Variants in NUP155 observed in about 807,000 individuals in gnomAD.
The protein encoded by NUP155 is nuclear pore complex protein Nup155.
In NUP155, 71 loss-of-function variants were observed where a neutral mutation model predicts 180.4. That is an observed-to-expected ratio of 0.39 (90% CI 0.33 to 0.48). The LOEUF (loss-of-function observed/expected upper bound fraction) is 0.48. NUP155 is among the 20% of genes least tolerant of loss of function. The probability of loss-of-function intolerance (pLI) is 0.91; values close to 1 mark genes in which losing one functional copy is unlikely to be tolerated. For missense variants in NUP155, 1,553 were observed against 1,648.9 expected, an observed-to-expected ratio of 0.94 and a Z score of 1.01; for synonymous variants, 582 against 559.5, an observed-to-expected ratio of 1.04 and a Z score of -0.57.
chr5:37,327,824 C>T, intron 17 of NUP155, 48 bp from the exon 18 acceptor site: 1 of 1,585,582 alleles, frequency 6.3e-7, no homozygotes, highest in Non-Finnish European at 8.7e-7. Flanking sequence ...AATCTTAGAA[C>T]CCATAAATCT....
intron 30 of NUP155, chr5:37,301,196 G>A: frequency 2.3e-6 from 1 of 435,222 alleles, no homozygotes; most frequent in Non-Finnish European, 4.3e-6. Context: ...TTTTAACACA[G>A]CTCTCATGCG....
At chr5:37,292,318 C>T (rs1742278497) in intron 34 of NUP155, among the ~76,000 whole-genome samples, 1 of 151,916 alleles carries the variant, frequency 6.6e-6, no homozygotes, top group Non-Finnish European at 1.5e-5. Flanking sequence ...TGGGTTCACG[C>T]CATTCTCCTG....
At chr5:37,340,124 T>G (rs903278497) in intron 11 of NUP155, among the ~76,000 whole-genome samples, 5 of 152,024 alleles carry the variant, frequency 3.3e-5, no homozygotes, top group Non-Finnish European at 2.9e-5. Flanking sequence ...TTCAAGAAAC[T>G]GAGAAGAGCC....
chr5:37,309,035 G>T (rs546484721), intron 24 of NUP155, 94 bp downstream of exon 24: 2 of 1,310,060 alleles, frequency 1.5e-6, no homozygotes, highest in South Asian at 1.2e-5. Flanking sequence ...TTTGCATCTG[G>T]AAAGTGGCTT....
intron 21 of NUP155, among the ~76,000 whole-genome samples, chr5:37,317,215 A>G (rs1303968130): frequency 6.1e-5 from 9 of 146,714 alleles, no homozygotes; most frequent in Non-Finnish European, 1.4e-4. Flanking sequence ...GGGGCTGGGC[A>G]CGGTGGCTCA....
intron 11 of NUP155, among the ~76,000 whole-genome samples, chr5:37,340,804 A>G (rs934739460): frequency 1.1e-4 from 17 of 152,220 alleles, no homozygotes; most frequent in Admixed American, 6.5e-5. Context: ...GAATTTCACT[A>G]CAATTTCAAA....
rs756226231 is a variant in NUP155, at chr5:37,370,862, A to C, written c.116T>G (p.Met39Arg). The C allele has an allele frequency of 6.2e-6, 10 of 1,614,216 alleles. No individual in the cohort carries two copies. Among genetic ancestry groups the C allele is most frequent in the Non-Finnish European group, 8.5e-6 (10 of 1,180,036 alleles). Residue 39 changes from methionine to arginine, a missense_variant, in exon 1 of 35, where the codon ATG (methionine) becomes AGG (arginine). Coordinates refer to ENST00000231498, the MANE Select transcript of NUP155 (RefSeq NM_153485.3). ...LIDRQLQEDR[M>R]YPDLSELLMV... ...AAGCAGCTCGGAAAGGTCCGGGTACATGCGGTCCTCTTGCAACTGACGGTC... is the reference window on the plus strand; with the variant it reads ...AAGCAGCTCGGAAAGGTCCGGGTACCTGCGGTCCTCTTGCAACTGACGGTC...
At chr5:37,323,950 C>T (rs377630261) in intron 20 of NUP155, 42 bp downstream of exon 20, 11 of 1,366,298 alleles carry the variant, frequency 8.1e-6, no homozygotes, top group East Asian at 6.9e-5. Context: ...AAAAATACAA[C>T]GAAAAGAAAA....
At chr5:37,349,006 T>C (rs1746287124) in intron 8 of NUP155, among the ~76,000 whole-genome samples, 166 bp downstream of exon 8, 2 of 151,898 alleles carry the variant, frequency 1.3e-5, no homozygotes, top group African/African-American at 4.8e-5. Context: ...TCCGCCCACC[T>C]TGGCCTCCCA....
At chr5:37,339,473 C>T (rs1355053754) in intron 11 of NUP155, among the ~76,000 whole-genome samples, 3 of 151,986 alleles carry the variant, frequency 2.0e-5, no homozygotes, top group African/African-American at 4.8e-5. Context: ...ACAAAAAATA[C>T]AAAAATTAGC....
intron 12 of NUP155, among the ~76,000 whole-genome samples, chr5:37,336,038 G>A (rs1027455913): frequency 2.0e-5 from 3 of 152,072 alleles, no homozygotes; most frequent in African/African-American, 7.2e-5. Flanking sequence ...CTGTTCTAAT[G>A]TCTTTTATGA....
chr5:37,320,557 G>A (rs1306145540), intron 20 of NUP155, among the ~76,000 whole-genome samples: 3 of 152,076 alleles, frequency 2.0e-5, no homozygotes, highest in African/African-American at 7.2e-5. Context: ...AAGAAAAGAT[G>A]GAAAAGATGA....
chr5:37,353,253 T>C (rs1175222890), intron 4 of NUP155, among the ~76,000 whole-genome samples: 3 of 151,236 alleles, frequency 2.0e-5, no homozygotes, highest in African/African-American at 4.9e-5. Flanking sequence ...AAAAATGACA[T>C]ATATATATAT....
chr5:37,292,118 G>T, intron 34 of NUP155, 80 bp from the exon 35 acceptor site: 2 of 1,377,146 alleles, frequency 1.5e-6, no homozygotes, highest in South Asian at 1.2e-5. Context: ...CCAACTTCTG[G>T]CAACTTTAAT....
In NUP155 at chr5:37,342,666, A is replaced by G. The variant is rs1745807723; in HGVS notation, c.996-20T>C. 2.1e-6 allele frequency: 3 copies of G among 1,443,236 alleles called. No homozygotes were observed. Among genetic ancestry groups the G allele is most frequent in the Non-Finnish European group, 2.9e-6 (3 of 1,025,032 alleles). 89.4% of individuals were successfully genotyped at this position (1,443,236 alleles called of 1,614,324 possible). A position where few individuals can be genotyped will look rare whatever the true frequency, so the allele number is the denominator to read the frequency against. On this transcript the variant is annotated intron_variant, in intron 9 of 34. Coordinates refer to ENST00000231498, the MANE Select transcript of NUP155 (RefSeq NM_153485.3). ...ATGGTCCTAAAAGAAAGGAGAAAAT[A>G]AAGTGTATTTTTAAAATGTGTCTGC... is the stretch of plus-strand genomic sequence containing the variant.
In NUP155 at chr5:37,293,832, T is replaced by C. The variant is rs1742361688; in HGVS notation, c.3930+497A>G. Among the ~76,000 whole-genome samples, 3 of 110,202 alleles carry C rather than the reference T, an allele frequency of 2.7e-5. 1 individual carries two copies. In the South Asian group the frequency reaches 7.8e-4, roughly 29 times the overall value. 72.3% of individuals were successfully genotyped at this position (110,202 alleles called of 152,430 possible). A position where few individuals can be genotyped will look rare whatever the true frequency, so the allele number is the denominator to read the frequency against. ...GGCTAACAAGGTGAAACCCCGTCTC[T>C]ACTAAAAATACAAAAAATTAGCCGG... On this transcript the variant is annotated intron_variant, in intron 33 of 34. Coordinates refer to ENST00000231498, the MANE Select transcript of NUP155 (RefSeq NM_153485.3).
At chr5:37,322,693 C>T (rs1744325714) in intron 20 of NUP155, among the ~76,000 whole-genome samples, 1 of 134,270 alleles carries the variant, frequency 7.4e-6, no homozygotes, top group South Asian at 2.4e-4. Context: ...GGCGACAGAG[C>T]GAGACTCTGT....
At chr5:37,351,034 T>C (rs1746424526) in intron 6 of NUP155, among the ~76,000 whole-genome samples, 156 bp downstream of exon 6, 1 of 152,132 alleles carries the variant, frequency 6.6e-6, no homozygotes, top group Admixed American at 6.6e-5. Flanking sequence ...TTTGTAGGCA[T>C]GGTGTAGTCA....
intron 4 of NUP155, among the ~76,000 whole-genome samples, chr5:37,357,326 G>C (rs752399255): frequency 2.7e-5 from 4 of 145,834 alleles, no homozygotes; most frequent in African/African-American, 5.1e-5. Context: ...GAGCCTGGGA[G>C]GTTGAGGCTG....
Sources: gnomAD v4.1 joint callset for allele counts (sites outside exome capture counted in the v4.1 genomes callset) on GRCh38, gnomAD v4.1.1 for gene constraint, MANE v1.5 for transcripts, NCBI Gene and HGNC (gene_info 2026-07-23, HGNC 2026-07-21) for gene names.